The following HYDIN variants were observed in gnomAD, a reference collection of about 807,000 sequenced individuals.
HYDIN encodes the protein axonemal central pair apparatus protein HYDIN.
HYDIN carries 132 observed loss-of-function variants against 403.9 expected under a neutral mutation model. That is an observed-to-expected ratio of 0.33 (90% CI 0.28 to 0.38). The LOEUF is 0.38. Among genes scored for constraint, HYDIN ranks in the 10% least tolerant of loss-of-function variants. The probability of loss-of-function intolerance (pLI) is 1.00; values close to 1 mark genes in which losing one functional copy is unlikely to be tolerated. For missense variants in HYDIN, 2,827 were observed against 5,009.5 expected (o/e 0.56, Z 13.15); for synonymous variants, 1,202 against 1,891.7 (o/e 0.64, Z 9.46).
At position 71,186,891 on chromosome 16, in the gene HYDIN, G is replaced by C. The variant is rs78964247; in HGVS notation, c.5C>G (p.Thr2Arg). M[T>R]SRRLEESMGA... ...CATGGACTCCTCAAGTCTTCTACTT[G>C]TCATTTTTAGTAATTTTTTTTTCTC... The change falls in exon 2 of 86, where the codon ACA (threonine) becomes AGA (arginine). Residue 2 changes from threonine to arginine, a missense_variant. Physicochemically the swap from Thr to Arg is moderately conservative, Grantham distance 71 (BLOSUM62 -1). Transcript: ENST00000393567. 2.1e-5 allele frequency: 34 copies of C among 1,607,062 alleles called. No homozygotes were observed. Among genetic ancestry groups the C allele is most frequent in the Non-Finnish European group, 2.8e-5 (33 of 1,176,902 alleles).
At chr16:71,204,001 G>A (rs932032531) in intron 1 of HYDIN, 1 of 311,134 alleles carries the variant, frequency 3.2e-6, no homozygotes, top group Non-Finnish European at 6.3e-6. Context: ...AGAAGCAGAG[G>A]TTGCAGTGAG....
chr16:70,978,317 T>A (rs1161294236), intron 30 of HYDIN, among the ~76,000 whole-genome samples: 2 of 149,342 alleles, frequency 1.3e-5, no homozygotes, highest in East Asian at 3.9e-4. Context: ...GTCCCCACTG[T>A]CATCACCATT....
rs369168030 is a variant in HYDIN, at chr16:71,109,030, A to C, written c.1327+6666T>G. Among the ~76,000 whole-genome samples, 681 of 151,572 alleles carry C rather than the reference A, an allele frequency of 4.5e-3. 4 individuals carry two copies. Among genetic ancestry groups the C allele is most frequent in the African/African-American group, 0.016 (644 of 41,212 alleles). On this transcript the variant is annotated intron_variant, in intron 10 of 85. Transcript: ENST00000393567. ...CTGAGCCACCAACATGATGCAGGATAGTCTCCCTATCTTAAAGTCAGCTCA... is the reference window on the plus strand; with the variant it reads ...CTGAGCCACCAACATGATGCAGGATCGTCTCCCTATCTTAAAGTCAGCTCA...
At chr16:71,211,772 G>A (rs2088607084) in intron 1 of HYDIN, among the ~76,000 whole-genome samples, 1 of 151,312 alleles carries the variant, frequency 6.6e-6, no homozygotes, top group East Asian at 1.9e-4. Flanking sequence ...AAAAACACAA[G>A]AAAGTAAGAC....
chr16:70,824,992 G>A (rs2143481979), intron 83 of HYDIN, among the ~76,000 whole-genome samples: 1 of 151,930 alleles, frequency 6.6e-6, no homozygotes, highest in Non-Finnish European at 1.5e-5. Context: ...TGAGACTATA[G>A]GCGCGTGCCA....
rs180714124 is a variant in HYDIN at position 70,945,196 on chromosome 16, C to T, written c.6532-1247G>A. On this transcript the variant is annotated intron_variant, in intron 41 of 85. Transcript: ENST00000393567. ...GTGACTGAGACGAAAATGGTGGTGG[C>T]GAGAAGTGGCTCATACAGGATATGT... Among the ~76,000 whole-genome samples the T allele has an allele frequency of 4.2e-4, 64 of 152,146 alleles. No individual in the cohort carries two copies. In the East Asian group the frequency reaches 8.5e-3, roughly 20 times the overall value.
intron 47 of HYDIN, among the ~76,000 whole-genome samples, chr16:70,916,777 A>G (rs1225726217): frequency 6.6e-6 from 1 of 152,160 alleles, no homozygotes; most frequent in Non-Finnish European, 1.5e-5. Flanking sequence ...AAAATACTCC[A>G]TAGTCTGAAT....
At chr16:70,930,350 A>G (rs1314339504) in intron 45 of HYDIN, among the ~76,000 whole-genome samples, 1 of 152,210 alleles carries the variant, frequency 6.6e-6, no homozygotes, top group Admixed American at 6.5e-5. Context: ...GCATGGTGGC[A>G]CACGTCTGCA....
At chr16:70,970,906 C>T (rs1420353284) in intron 35 of HYDIN, 147 bp from the exon 36 acceptor site, 31 of 753,968 alleles carry the variant, frequency 4.1e-5, no homozygotes, top group Non-Finnish European at 5.7e-5. Flanking sequence ...ATTTTTATTA[C>T]CGAATTAACA....
At chr16:71,194,459 C>T (rs1450764525) in intron 1 of HYDIN, among the ~76,000 whole-genome samples, 1 of 152,126 alleles carries the variant, frequency 6.6e-6, no homozygotes, top group Non-Finnish European at 1.5e-5. Context: ...GAGCTGTTAG[C>T]AGTAATAAAC....
chr16:71,079,120 T>C (rs2082707112), intron 13 of HYDIN, among the ~76,000 whole-genome samples: 1 of 151,762 alleles, frequency 6.6e-6, no homozygotes, highest in Non-Finnish European at 1.5e-5. Flanking sequence ...ACGGCTAAGG[T>C]TAGGGCAGAA....
At chr16:71,113,610 T>A (rs74506036) in intron 10 of HYDIN, 1 of 152,706 alleles carries the variant, frequency 6.5e-6, no homozygotes, top group African/African-American at 2.5e-5. Flanking sequence ...TTTTTTTTTT[T>A]TGAGACAGGG....
intron 71 of HYDIN, among the ~76,000 whole-genome samples, chr16:70,858,098 C>T (rs1345645468): frequency 6.6e-6 from 1 of 151,978 alleles, no homozygotes; most frequent in African/African-American, 2.4e-5. Context: ...TCCACAGCTT[C>T]TGCTGGCTAA....
intron 60 of HYDIN, among the ~76,000 whole-genome samples, chr16:70,880,853 G>A (rs934851831): frequency 6.6e-6 from 1 of 152,174 alleles, no homozygotes; most frequent in East Asian, 1.9e-4. Context: ...TTTTCCAAAG[G>A]ATAGCCTTCA....
chr16:71,137,920 C>A (rs1273172861), intron 7 of HYDIN, among the ~76,000 whole-genome samples: 1 of 148,380 alleles, frequency 6.7e-6, no homozygotes, highest in Admixed American at 6.6e-5. Context: ...ACAAAAGAAA[C>A]ACACACACAC....
chr16:71,130,779 C>T (rs1349004123), intron 8 of HYDIN, among the ~76,000 whole-genome samples: 2 of 151,366 alleles, frequency 1.3e-5, no homozygotes, highest in Admixed American at 6.5e-5. Flanking sequence ...TGAGCCACCG[C>T]GCCCGGCCTA....
chr16:71,086,668 T>C lies in HYDIN; in HGVS notation c.1670+1633A>G, dbSNP rs529461697. 5.5e-4 allele frequency among the ~76,000 whole-genome samples: 84 copies of C among 152,368 alleles called. 1 individual carries two copies. The South Asian group carries it at 0.017, about 32-fold the overall frequency. On this transcript the variant is annotated intron_variant, in intron 12 of 85. Coordinates refer to ENST00000393567, the MANE Select transcript of HYDIN (RefSeq NM_001270974.2). Reference sequence around the variant, plus strand: ...ACGTATGAAGGCTTGCTTATGATACTGGATGTTGTCAAGGGTGCTTATGAC... The same window carrying C: ...ACGTATGAAGGCTTGCTTATGATACCGGATGTTGTCAAGGGTGCTTATGAC...
intron 8 of HYDIN, chr16:71,131,897 G>A (rs1412243981): frequency 6.6e-6 from 1 of 152,094 alleles, no homozygotes; most frequent in Middle Eastern, 3.2e-3. Flanking sequence ...TAAGCAGCCA[G>A]TAAAGTGGTA....
At chr16:71,209,345 C>T (rs1013854867) in intron 1 of HYDIN, among the ~76,000 whole-genome samples, 1 of 151,746 alleles carries the variant, frequency 6.6e-6, no homozygotes, top group Admixed American at 6.6e-5. Context: ...AATTCAACAT[C>T]CCTTCATGTT....
Sources: gnomAD v4.1 joint callset for allele counts (sites outside exome capture counted in the v4.1 genomes callset) on GRCh38, gnomAD v4.1.1 for gene constraint, MANE v1.5 for transcripts, NCBI Gene and HGNC (gene_info 2026-07-23, HGNC 2026-07-21) for gene names.